The following FGF7 variants were observed in gnomAD, a reference collection of about 807,000 sequenced individuals.
FGF7 encodes the protein fibroblast growth factor 7.
In FGF7, 6 loss-of-function variants were observed where a neutral mutation model predicts 20.5. That is an observed-to-expected ratio of 0.29 (90% confidence interval 0.16 to 0.58). The LOEUF (loss-of-function observed/expected upper bound fraction) is 0.58. Ranked by LOEUF, FGF7 falls within the 20% of genes least tolerant of loss-of-function variation. FGF7 has a pLI of 0.90. For missense variants in FGF7, 144 were observed against 228.8 expected, an observed-to-expected ratio of 0.63 and a Z score of 2.39; for synonymous variants, 64 against 74.7, an observed-to-expected ratio of 0.86 and a Z score of 0.74.
intron 2 of FGF7, among the ~76,000 whole-genome samples, chr15:49,454,012 C>T (rs181845944): frequency 1.3e-5 from 2 of 152,238 alleles, no homozygotes; most frequent in African/African-American, 2.4e-5. Context: ...ACTGAATCCT[C>T]AAATCTCCTA....
At chr15:49,473,293 T>A (rs952538388) in intron 2 of FGF7, among the ~76,000 whole-genome samples, 22 of 152,142 alleles carry the variant, frequency 1.4e-4, no homozygotes, top group African/African-American at 5.3e-4. Context: ...AGTTCATTCA[T>A]TGTCATATGC....
rs1368457714 is a variant in FGF7, at chr15:49,438,452, T to C, written c.286+13869T>C. Among the ~76,000 whole-genome samples the C allele has an allele frequency of 4.6e-5, 7 of 151,844 alleles. 1 individual carries two copies. Among genetic ancestry groups the C allele is most frequent in the African/African-American group, 1.7e-4 (7 of 41,518 alleles). ...TACAGGGATTTATAAATGGACCAGA[T>C]TGTCAATTGCAGAAGAGAAAAGGGA... On this transcript the variant is annotated intron_variant, in intron 2 of 3. Transcript: ENST00000267843.
intron 2 of FGF7, among the ~76,000 whole-genome samples, chr15:49,481,762 C>T (rs2055967832): frequency 6.6e-6 from 1 of 152,036 alleles, no homozygotes; most frequent in African/African-American, 2.4e-5. Context: ...AGATTAATAT[C>T]CATTCATTTG....
chr15:49,483,093 G>A (rs1355224349), intron 2 of FGF7, 58 bp from the exon 3 acceptor site: 11 of 931,590 alleles, frequency 1.2e-5, no homozygotes, highest in Admixed American at 1.7e-5. Context: ...ATGGCCATTC[G>A]TGGATCATTT....
At chr15:49,472,804 A>T (rs71467683) in intron 2 of FGF7, among the ~76,000 whole-genome samples, 16,281 of 152,230 alleles carry the variant, frequency 0.11, 1,238 homozygotes, top group East Asian at 0.36. Context: ...AAAAGCACAG[A>T]TGTAATGATA....
intron 2 of FGF7, among the ~76,000 whole-genome samples, chr15:49,429,142 A>G (rs555204452): frequency 6.6e-6 from 1 of 152,160 alleles, no homozygotes; most frequent in South Asian, 2.1e-4. Flanking sequence ...AATCAAAAAT[A>G]GCAATGTAAG....
intron 2 of FGF7, among the ~76,000 whole-genome samples, chr15:49,471,171 T>C (rs1311988248): frequency 6.6e-6 from 1 of 152,026 alleles, no homozygotes; most frequent in African/African-American, 2.4e-5. Context: ...GGCTAGGGAA[T>C]CCAAACCATC....
chr15:49,451,043 T>TA, intron 2 of FGF7, among the ~76,000 whole-genome samples: 1 of 152,240 alleles, frequency 6.6e-6, no homozygotes, highest in South Asian at 2.1e-4. Context: ...GGTTTTTTTT[T>TA]AAATGACAGT....
At chr15:49,460,519 C>T (rs1019661657) in intron 2 of FGF7, among the ~76,000 whole-genome samples, 43 of 152,126 alleles carry the variant, frequency 2.8e-4, no homozygotes, top group Admixed American at 2.4e-3. Flanking sequence ...TATGTTTTTA[C>T]TACTTATATT....
rs2056375860 is a variant in FGF7, at chr15:49,486,011, T to C, written c.*1507T>C. ...GAGGTCAGCCTACAGATAACAGGAT[T>C]ATTACAAGGATGAATTTCCACTTCA... On this transcript the variant is annotated 3_prime_UTR_variant, in exon 4 of 4. Transcript: ENST00000267843. 1.3e-5 allele frequency: 2 copies of C among 151,964 alleles called. No individual in the cohort carries two copies. The allele number at this position is 151,964 out of a possible 1,614,324, so 9.4% of individuals were successfully genotyped here.
intron 2 of FGF7, among the ~76,000 whole-genome samples, chr15:49,429,813 C>T (rs955648535): frequency 6.6e-6 from 1 of 151,886 alleles, no homozygotes; most frequent in Admixed American, 6.6e-5. Flanking sequence ...AAGGGGATCA[C>T]ATTAGATTAC....
intron 2 of FGF7, among the ~76,000 whole-genome samples, chr15:49,435,955 A>T (rs1331737124): frequency 6.6e-6 from 1 of 151,542 alleles, no homozygotes; most frequent in Non-Finnish European, 1.5e-5. Context: ...AAAAATACAT[A>T]TGCCAATATT....
intron 2 of FGF7, chr15:49,434,742 A>G (rs2050934254): frequency 6.6e-6 from 1 of 151,642 alleles, no homozygotes; most frequent in Non-Finnish European, 1.5e-5. Context: ...TATTAAAAAC[A>G]TAACTACCAG....
At chr15:49,445,498 C>G (rs541484677) in intron 2 of FGF7, among the ~76,000 whole-genome samples, 20 of 151,374 alleles carry the variant, frequency 1.3e-4, no homozygotes, top group Non-Finnish European at 2.7e-4. Context: ...CTAAAACAAA[C>G]AGACCTTTTG....
At chr15:49,442,347 G>A (rs941951933) in intron 2 of FGF7, among the ~76,000 whole-genome samples, 3 of 151,528 alleles carry the variant, frequency 2.0e-5, no homozygotes, top group Admixed American at 6.6e-5. Context: ...AACTCTCCAC[G>A]AAGCTCCCCT....
At chr15:49,461,709 G>A (rs535021074) in intron 2 of FGF7, among the ~76,000 whole-genome samples, 1 of 152,220 alleles carries the variant, frequency 6.6e-6, no homozygotes, top group South Asian at 2.1e-4. Context: ...TTATTTTTTT[G>A]AGGAAAAATT....
chr15:49,442,212 C>CA (rs1295400985), intron 2 of FGF7, among the ~76,000 whole-genome samples: 1 of 151,520 alleles, frequency 6.6e-6, no homozygotes, highest in African/African-American at 2.4e-5. Flanking sequence ...CTATTCTAGC[C>CA]AGCCAATCTA....
chr15:49,431,126 A>T (rs1567262681), intron 2 of FGF7, among the ~76,000 whole-genome samples: 1 of 151,816 alleles, frequency 6.6e-6, no homozygotes, highest in Non-Finnish European at 1.5e-5. Context: ...TGTATACTTA[A>T]GTAATATGGA....
chr15:49,459,043 T>C (rs931002852), intron 2 of FGF7, among the ~76,000 whole-genome samples: 1 of 152,212 alleles, frequency 6.6e-6, no homozygotes, highest in Non-Finnish European at 1.5e-5. Context: ...GTCATATAAC[T>C]AATACTCAAC....
Sources: gnomAD v4.1 joint callset for allele counts (sites outside exome capture counted in the v4.1 genomes callset) on GRCh38, gnomAD v4.1.1 for gene constraint, MANE v1.5 for transcripts, NCBI Gene and HGNC (gene_info 2026-07-23, HGNC 2026-07-21) for gene names.